The following ZFPM2 variants were observed in gnomAD, a reference collection of about 807,000 sequenced individuals.
ZFPM2 encodes zinc finger protein ZFPM2.
Under a neutral mutation model 98.6 loss-of-function variants are expected in ZFPM2, and 20 were observed. That is an observed-to-expected ratio of 0.20 (90% CI 0.14 to 0.29). The LOEUF is 0.29. ZFPM2 is among the 10% of genes least tolerant of loss of function. The probability of loss-of-function intolerance (pLI) is 1.00; values close to 1 mark genes in which losing one functional copy is unlikely to be tolerated. For synonymous variants in ZFPM2, 518 were observed against 502.7 expected (o/e 1.03, Z -0.41); for missense variants, 1,310 against 1,388.6 (o/e 0.94, Z 0.90).
intron 1 of ZFPM2, among the ~76,000 whole-genome samples, chr8:105,398,933 C>A (rs1811279045): frequency 6.6e-6 from 1 of 152,110 alleles, no homozygotes; most frequent in Admixed American, 6.6e-5. Flanking sequence ...CTGTGAGGAG[C>A]AGAGAGGGCA....
chr8:105,598,066 C>CTT (rs76865028), intron 4 of ZFPM2, among the ~76,000 whole-genome samples: 54 of 130,170 alleles, frequency 4.1e-4, no homozygotes, highest in East Asian at 2.9e-3. Flanking sequence ...AAAAAAAAAC[C>CTT]TTTTTTTTTT....
chr8:105,651,768 T>C (rs917397065), intron 5 of ZFPM2, among the ~76,000 whole-genome samples: 1 of 152,164 alleles, frequency 6.6e-6, no homozygotes, highest in Non-Finnish European at 1.5e-5. Flanking sequence ...TTTTGAATTA[T>C]TATGTAATGA....
At chr8:105,640,878 G>A (rs34363784) in intron 5 of ZFPM2, among the ~76,000 whole-genome samples, 16,596 of 151,816 alleles carry the variant, frequency 0.11, 1,080 homozygotes, top group South Asian at 0.22. Flanking sequence ...CATATTTTAC[G>A]CATTTATTTA....
chr8:105,464,855 A>G (rs80317729), intron 3 of ZFPM2, among the ~76,000 whole-genome samples: 2,883 of 151,960 alleles, frequency 0.019, 90 homozygotes, highest in African/African-American at 0.066. Context: ...AGGGAATGAA[A>G]AATGGAGGAG....
intron 5 of ZFPM2, among the ~76,000 whole-genome samples, chr8:105,704,136 C>T (rs1811205010): frequency 1.3e-5 from 2 of 151,660 alleles, no homozygotes; most frequent in South Asian, 4.2e-4. Flanking sequence ...TCTCTCTCAA[C>T]ATTTGGAATC....
chr8:105,781,527 C>T (rs1024737374), intron 5 of ZFPM2, among the ~76,000 whole-genome samples: 3 of 151,996 alleles, frequency 2.0e-5, no homozygotes, highest in African/African-American at 7.2e-5. Context: ...TCGATACCAG[C>T]CTGGGCAACA....
chr8:105,575,723 G>A (rs954887599), intron 4 of ZFPM2, among the ~76,000 whole-genome samples: 1 of 152,112 alleles, frequency 6.6e-6, no homozygotes, highest in Non-Finnish European at 1.5e-5. Context: ...GTATGTATTA[G>A]GTCACTTTTA....
intron 1 of ZFPM2, among the ~76,000 whole-genome samples, chr8:105,397,397 T>TATCA (rs1276976048): frequency 6.6e-6 from 1 of 152,206 alleles, no homozygotes; most frequent in Non-Finnish European, 1.5e-5. Context: ...AAATAAATTT[T>TATCA]ATCACCTTAC....
intron 1 of ZFPM2, among the ~76,000 whole-genome samples, chr8:105,399,886 C>T (rs370375471): frequency 1.3e-5 from 2 of 152,128 alleles, no homozygotes; most frequent in African/African-American, 4.8e-5. Flanking sequence ...TTGCCTCAGC[C>T]TCCCGAATAG....
intron 3 of ZFPM2, among the ~76,000 whole-genome samples, chr8:105,472,787 C>T (rs138875999): frequency 5.3e-5 from 8 of 151,420 alleles, no homozygotes; most frequent in Admixed American, 3.3e-4. Context: ...GGATTACAGG[C>T]GTGAGCCACC....
intron 2 of ZFPM2, among the ~76,000 whole-genome samples, chr8:105,420,953 G>A (rs1215026252): frequency 6.6e-6 from 1 of 152,130 alleles, no homozygotes; most frequent in African/African-American, 2.4e-5. Context: ...ATTTTGGGAC[G>A]ATCTCTGGTT....
At chr8:105,675,136 G>A (rs1420967604) in intron 5 of ZFPM2, among the ~76,000 whole-genome samples, 1 of 152,126 alleles carries the variant, frequency 6.6e-6, no homozygotes, top group African/African-American at 2.4e-5. Context: ...ATATAGATTG[G>A]AAAATTCATG....
rs1012993024 is a variant in ZFPM2 at position 105,377,672 on chromosome 8, C to G, written c.41-41472C>G. On this transcript the variant is annotated intron_variant, in intron 1 of 7. Coordinates refer to ENST00000407775, the MANE Select transcript of ZFPM2 (RefSeq NM_012082.4). Reference sequence around the variant, plus strand: ...GTGCACATCTGTAATCCCAGCTACTCGAGAGGCTGAGGCATGAGGATCGCT... The same window carrying G: ...GTGCACATCTGTAATCCCAGCTACTGGAGAGGCTGAGGCATGAGGATCGCT... Among the ~76,000 whole-genome samples the G allele has an allele frequency of 4.0e-5, 6 of 148,992 alleles. No homozygotes were observed. The East Asian group carries it at 1.2e-3, about 29-fold the overall frequency.
At chr8:105,666,364 C>A (rs1486422078) in intron 5 of ZFPM2, among the ~76,000 whole-genome samples, 3 of 152,138 alleles carry the variant, frequency 2.0e-5, no homozygotes, top group South Asian at 2.1e-4. Context: ...GATAACACAC[C>A]TGCTCCAAAG....
At chr8:105,386,771 G>A (rs1486743836) in intron 1 of ZFPM2, among the ~76,000 whole-genome samples, 2 of 152,134 alleles carry the variant, frequency 1.3e-5, no homozygotes, top group Non-Finnish European at 2.9e-5. Context: ...ATTTTACAGA[G>A]AGCTGATTGG....
At chr8:105,627,835 T>C (rs2130828568) in intron 4 of ZFPM2, among the ~76,000 whole-genome samples, 1 of 152,314 alleles carries the variant, frequency 6.6e-6, no homozygotes, top group South Asian at 2.1e-4. Flanking sequence ...CAAAGCCATG[T>C]GGCCAGATCC....
rs536598872 is a variant in ZFPM2, at chr8:105,691,397, C to T, written c.532+57040C>T. 1.3e-4 allele frequency among the ~76,000 whole-genome samples: 18 copies of T among 142,876 alleles called. 1 individual carries two copies. Among genetic ancestry groups the T allele is most frequent in the South Asian group, 2.3e-4 (1 of 4,354 alleles). 93.7% of individuals were successfully genotyped at this position (142,876 alleles called of 152,430 possible). A position where few individuals can be genotyped will look rare whatever the true frequency, so the allele number is the denominator to read the frequency against. ...CCGAGTAGCCGGGACTACGGGCGCC[C>T]GCCACCGCGCCCGGCTAATTTTTTG... On this transcript the variant is annotated intron_variant, in intron 5 of 7. Transcript: ENST00000407775.
Position 105,802,433 on chromosome 8 carries a change from A to G in ZFPM2, c.2351A>G (p.Tyr784Cys). 6.2e-7 allele frequency: 1 copy of G among 1,613,790 alleles called. No homozygotes were observed. Among genetic ancestry groups the G allele is most frequent in the Non-Finnish European group, 8.5e-7 (1 of 1,179,846 alleles). Residue 784 changes from tyrosine to cysteine, a missense_variant, in exon 8 of 8, where the codon TAC becomes TGC. By Grantham distance (194) the Tyr-to-Cys change is radical. Transcript: ENST00000407775. ...CCCACAGAAGGGCTAGGAGAGTGCT[A>G]CCACCCAAGATGTGATATCTTTCCA... ...QEPTEGLGEC[Y>C]HPRCDIFPGI...
chr8:105,418,586 C>T (rs1469471760), intron 1 of ZFPM2: 1 of 518,406 alleles, frequency 1.9e-6, no homozygotes, highest in Non-Finnish European at 3.8e-6. Flanking sequence ...TAGGGTTATG[C>T]TTTCATCAGG....
Sources: allele counts gnomAD v4.1 joint callset (sites outside exome capture counted in the v4.1 genomes callset), GRCh38; gene constraint gnomAD v4.1.1; transcripts MANE v1.5; gene names NCBI Gene and HGNC (gene_info 2026-07-23, HGNC 2026-07-21).